Variants in SERPINE2 observed in about 807,000 individuals in gnomAD.
SERPINE2 encodes the protein serpin family E member 2, also known as glia-derived nexin.
A neutral mutation model predicts 36.3 loss-of-function variants in SERPINE2; 14 were observed. The observed-to-expected ratio is 0.39, with a 90% confidence interval of 0.25 to 0.60. The LOEUF is 0.60. SERPINE2 is among the 20% of genes least tolerant of loss of function. SERPINE2 has a pLI of 0.57. For missense variants in SERPINE2, 418 were observed against 499.6 expected, an observed-to-expected ratio of 0.84 and a Z score of 1.56; for synonymous variants, 192 against 191.8, an observed-to-expected ratio of 1.00 and a Z score of -0.01.
chr2:224,035,913 C>T (rs1692517648), intron 1 of SERPINE2, among the ~76,000 whole-genome samples: 1 of 152,138 alleles, frequency 6.6e-6, no homozygotes, highest in African/African-American at 2.4e-5. Flanking sequence ...TGGTGACAGC[C>T]TGCATGTGGG....
chr2:223,982,551 T>C (rs10164837), intron 6 of SERPINE2, 130 bp downstream of exon 6: 116,783 of 490,612 alleles, frequency 0.24, 15,980 homozygotes, highest in Non-Finnish European at 0.3. Flanking sequence ...AATTTGGCAA[T>C]GTATCAAATG....
At chr2:224,019,770 A>ATTTTTT (rs1261601893) in intron 1 of SERPINE2, among the ~76,000 whole-genome samples, 51,240 of 128,472 alleles carry the variant, frequency 0.4, 11,703 homozygotes, top group Non-Finnish European at 0.5. Flanking sequence ...TTTTTTAAAA[A>ATTTTTT]AAAAAAAAGA....
In SERPINE2 at chr2:224,001,894, A is replaced by G; in HGVS notation, c.7T>C (p.Trp3Arg). The stretch of plus-strand genomic sequence containing the variant: ...GCCAAGAGGAAGAGGGGGAGATGCC[A>G]GTTCATGGTTCCTTCCACCAAGGAC... The part of the protein sequence containing the change: MN[W>R]HLPLFLLASV... The change falls in exon 2 of 9, where the codon TGG becomes CGG. Residue 3 changes from tryptophan (W) to arginine (R), a missense_variant. Physicochemically the swap from Trp to Arg is moderately radical, Grantham distance 101 (BLOSUM62 -3). Coordinates refer to ENST00000409304, the MANE Select transcript of SERPINE2 (RefSeq NM_001136528.2). 6.2e-7 allele frequency: 1 copy of G among 1,612,188 alleles called. No homozygotes were observed. The highest frequency in any genetic ancestry group is 1.1e-5 in the South Asian group (1 of 91,046).
intron 1 of SERPINE2, chr2:224,010,268 C>A: frequency 1.3e-6 from 1 of 789,484 alleles, no homozygotes; most frequent in Non-Finnish European, 1.5e-6. Flanking sequence ...TTTTTGTCTG[C>A]CTTCAAAGTG....
rs184490799 is a variant in SERPINE2 at position 224,021,293 on chromosome 2, A to C, written c.-23+17806T>G. Among the ~76,000 whole-genome samples the C allele has an allele frequency of 2.8e-3, 434 of 152,348 alleles. 2 individuals are homozygous for C. Among genetic ancestry groups the C allele is most frequent in the Non-Finnish European group, 3.6e-3 (243 of 68,028 alleles). On this transcript the variant is annotated intron_variant, in intron 1 of 8. Coordinates refer to ENST00000409304, the MANE Select transcript of SERPINE2 (RefSeq NM_001136528.2). ...TTGGGATCTGGGAAAAAGGGGTGCC[A>C]CAAGATGTATGATCATCTTCCATTT...
At chr2:224,031,022 A>T in intron 1 of SERPINE2, 1 of 985,482 alleles carries the variant, frequency 1.0e-6, no homozygotes, top group Non-Finnish European at 1.2e-6. Context: ...TGGTTGTGAT[A>T]CTAGGGCTAT....
At chr2:223,980,559 T>C in intron 6 of SERPINE2, 162 bp from the exon 7 acceptor site, 1 of 600,794 alleles carries the variant, frequency 1.7e-6, no homozygotes. Context: ...TGCAGACAGC[T>C]GTTACTTGTG....
rs1308567017 is a variant in SERPINE2, at chr2:223,984,896, T to A, written c.740A>T (p.His247Leu). The A allele has an allele frequency of 1.2e-6, 2 of 1,614,154 alleles. No homozygotes were observed. Residue 247 changes from histidine (H) to leucine (L), a missense_variant, in exon 5 of 9, where the codon CAC becomes CTC. Coordinates refer to ENST00000409304, the MANE Select transcript of SERPINE2 (RefSeq NM_001136528.2). ...AATCAGCATGCTGATGCTTTCCCCG[T>A]GGTAGGGCAGTTCAATGAAGTTGTA... The part of the protein sequence containing the change: ...LWYNFIELPY[H>L]GESISMLIAL...
chr2:224,020,385 G>T (rs1691957102), intron 1 of SERPINE2, among the ~76,000 whole-genome samples: 1 of 152,176 alleles, frequency 6.6e-6, no homozygotes, highest in Non-Finnish European at 1.5e-5. Flanking sequence ...TATAAAAACA[G>T]AATAGAAACA....
intron 3 of SERPINE2, among the ~76,000 whole-genome samples, chr2:223,995,093 G>A (rs1327011923): frequency 6.6e-6 from 1 of 152,190 alleles, no homozygotes; most frequent in Non-Finnish European, 1.5e-5. Context: ...TCTCCAACAG[G>A]AGACAGGATG....
chr2:223,982,573 A>G, intron 6 of SERPINE2, 108 bp downstream of exon 6: 2 of 595,584 alleles, frequency 3.4e-6, no homozygotes, highest in Non-Finnish European at 5.7e-6. Flanking sequence ...AACCTTGTAC[A>G]GTTTCAGGGC....
chr2:223,989,295 G>A (rs993995267), intron 4 of SERPINE2, among the ~76,000 whole-genome samples: 11 of 152,190 alleles, frequency 7.2e-5, no homozygotes, highest in African/African-American at 2.7e-4. Context: ...TGATATCTTG[G>A]GGAAAACAGT....
chr2:224,029,170 G>A lies in SERPINE2; in HGVS notation c.-23+9929C>T, dbSNP rs185147738. 2.5e-4 allele frequency among the ~76,000 whole-genome samples: 38 copies of A among 152,250 alleles called. No individual in the cohort carries two copies. In the East Asian group the frequency reaches 6.0e-3, roughly 24 times the overall value. On this transcript the variant is annotated intron_variant, in intron 1 of 8. Coordinates refer to ENST00000409304, the MANE Select transcript of SERPINE2 (RefSeq NM_001136528.2). ...ACATGTCATTAAGAAATTAGCACAGGTTTGGCATAAGATAATAGGATTCTT... is the reference window on the plus strand; with the variant it reads ...ACATGTCATTAAGAAATTAGCACAGATTTGGCATAAGATAATAGGATTCTT...
At chr2:223,994,337 T>G (rs1690792622) in intron 3 of SERPINE2, among the ~76,000 whole-genome samples, 1 of 152,108 alleles carries the variant, frequency 6.6e-6, no homozygotes, top group Non-Finnish European at 1.5e-5. Context: ...AGACAAATAA[T>G]GCCTCCAACT....
At chr2:224,022,900 G>A (rs1692055739) in intron 1 of SERPINE2, among the ~76,000 whole-genome samples, 2 of 152,186 alleles carry the variant, frequency 1.3e-5, no homozygotes, top group Non-Finnish European at 2.9e-5. Context: ...TGAATCTCAT[G>A]AGATTTGATG....
intron 1 of SERPINE2, chr2:224,038,455 T>C (rs774672049): frequency 3.8e-5 from 58 of 1,545,250 alleles, no homozygotes; most frequent in Non-Finnish European, 4.8e-5. Flanking sequence ...GCCTAATTCC[T>C]TCCAGAATTT....
At chr2:224,035,972 A>C (rs1168650877) in intron 1 of SERPINE2, among the ~76,000 whole-genome samples, 1 of 139,608 alleles carries the variant, frequency 7.2e-6, no homozygotes, top group African/African-American at 2.6e-5. Flanking sequence ...CAACATCTCC[A>C]TGAACGGTGG....
At chr2:224,004,288 C>T (rs192791774) in intron 1 of SERPINE2, among the ~76,000 whole-genome samples, 1 of 152,300 alleles carries the variant, frequency 6.6e-6, no homozygotes, top group Admixed American at 6.5e-5. Flanking sequence ...CAGAGGGCCC[C>T]ACTGTGAACC....
At chr2:223,999,529 G>A (rs1472709043) in intron 2 of SERPINE2, among the ~76,000 whole-genome samples, 1 of 152,156 alleles carries the variant, frequency 6.6e-6, no homozygotes, top group Non-Finnish European at 1.5e-5. Context: ...CGTGTGTAGG[G>A]CTTTACAACG....
Sources: gnomAD v4.1 joint callset for allele counts (sites outside exome capture counted in the v4.1 genomes callset) on GRCh38, gnomAD v4.1.1 for gene constraint, MANE v1.5 for transcripts, NCBI Gene and HGNC (gene_info 2026-07-23, HGNC 2026-07-21) for gene names.